TBXAS1: variants seen among roughly 807,000 people sequenced by gnomAD.
TBXAS1 encodes the protein thromboxane A synthase 1.
Under a neutral mutation model 60.7 loss-of-function variants are expected in TBXAS1, and 48 were observed. That is an observed-to-expected ratio of 0.79 (90% confidence interval 0.63 to 1.01). The LOEUF (loss-of-function observed/expected upper bound fraction) is 1.01, where lower values mean the gene tolerates loss of function less well. Ranked by LOEUF, TBXAS1 falls within the 50% of genes least tolerant of loss-of-function variation. The probability of loss-of-function intolerance (pLI) is 0.00; values close to 1 mark genes in which losing one functional copy is unlikely to be tolerated. For missense variants in TBXAS1, 685 were observed against 686.3 expected, an observed-to-expected ratio of 1.00 and a Z score of 0.02; for synonymous variants, 287 against 269.7, an observed-to-expected ratio of 1.06 and a Z score of -0.63.
intron 4 of TBXAS1, among the ~76,000 whole-genome samples, chr7:139,919,516 C>G (rs1190120422): frequency 6.6e-6 from 1 of 152,240 alleles, no homozygotes; most frequent in African/African-American, 2.4e-5. Context: ...TCATCTAGAT[C>G]TTGAGTCCAT....
At chr7:139,978,894 G>A (rs1021480239) in intron 9 of TBXAS1, among the ~76,000 whole-genome samples, 2 of 152,136 alleles carry the variant, frequency 1.3e-5, no homozygotes, top group African/African-American at 2.4e-5. Flanking sequence ...GTTGGAGGCT[G>A]CAGAGAGCTA....
chr7:139,802,248 T>C (rs1797740481), intron 4 of TBXAS1, among the ~76,000 whole-genome samples: 1 of 152,240 alleles, frequency 6.6e-6, no homozygotes, highest in African/African-American at 2.4e-5. Context: ...TTTAAAATAT[T>C]CAATTTTAAC....
intron 8 of TBXAS1, 33 bp from the exon 9 acceptor site, chr7:139,961,886 C>T: frequency 6.2e-7 from 1 of 1,613,838 alleles, no homozygotes; most frequent in Non-Finnish European, 8.5e-7. Flanking sequence ...ACTGTAAGGT[C>T]AAAATGTGCA....
chr7:139,889,440 T>G (rs1476450213), intron 3 of TBXAS1, among the ~76,000 whole-genome samples: 1 of 152,202 alleles, frequency 6.6e-6, no homozygotes, highest in Non-Finnish European at 1.5e-5. Flanking sequence ...ACATGGTGAT[T>G]CCACCATAAT....
At chr7:139,918,449 T>C (rs1430043784) in intron 4 of TBXAS1, among the ~76,000 whole-genome samples, 16 of 152,300 alleles carry the variant, frequency 1.1e-4, no homozygotes, top group African/African-American at 2.4e-5. Context: ...CAGCCAAGCA[T>C]GTCAAGTGCA....
chr7:139,889,933 G>C (rs539623769), intron 3 of TBXAS1, among the ~76,000 whole-genome samples: 7 of 152,154 alleles, frequency 4.6e-5, no homozygotes, highest in Admixed American at 4.6e-4. Flanking sequence ...TAGGAATGAA[G>C]CACTCAGAGG....
In TBXAS1 at chr7:140,010,006, T is replaced by C. The variant is rs1402900161; in HGVS notation, c.1226+2824T>C. ...GCCCCACACCCGCTCCACACCCGCTTCACACCCGCTCCACACCCGCCCCAC... is the reference window on the plus strand; with the variant it reads ...GCCCCACACCCGCTCCACACCCGCTCCACACCCGCTCCACACCCGCCCCAC... On this transcript the variant is annotated intron_variant, in intron 10 of 12. Transcript: ENST00000448866. Among the ~76,000 whole-genome samples, 14 of 46,660 alleles carry C rather than the reference T, an allele frequency of 3.0e-4. No individual in the cohort carries two copies. In the East Asian group the frequency reaches 3.4e-3, roughly 11 times the overall value. 30.6% of individuals were successfully genotyped at this position (46,660 alleles called of 152,430 possible).
chr7:139,892,821 C>G (rs545866745), intron 3 of TBXAS1, among the ~76,000 whole-genome samples: 4 of 152,130 alleles, frequency 2.6e-5, no homozygotes, highest in African/African-American at 7.2e-5. Context: ...CCATACCTCA[C>G]CAGCTCGGGG....
At chr7:139,793,657 C>G (rs1156640952) in intron 4 of TBXAS1, among the ~76,000 whole-genome samples, 1 of 152,026 alleles carries the variant, frequency 6.6e-6, no homozygotes, top group Non-Finnish European at 1.5e-5. Flanking sequence ...ACATGTTGAG[C>G]CAGGCATTTA....
intron 5 of TBXAS1, among the ~76,000 whole-genome samples, chr7:139,950,133 A>G (rs1274287001): frequency 6.7e-6 from 1 of 148,888 alleles, no homozygotes. Context: ...TCCCAGGTTC[A>G]AGCGATTCTC....
chr7:139,816,954 C>A (rs1231395915), intron 4 of TBXAS1, among the ~76,000 whole-genome samples: 1 of 152,120 alleles, frequency 6.6e-6, no homozygotes, highest in Admixed American at 6.5e-5. Context: ...AATTTTCCAG[C>A]AAGTAGAAGT....
intron 1 of TBXAS1, among the ~76,000 whole-genome samples, chr7:139,835,065 C>CT (rs142060008): frequency 5.2e-4 from 69 of 132,058 alleles, no homozygotes; most frequent in Non-Finnish European, 5.9e-4. Flanking sequence ...TACTAAAATT[C>CT]TTTTTTTTTT....
intron 3 of TBXAS1, among the ~76,000 whole-genome samples, chr7:139,784,011 G>GTTTTTTTTTTTTTTTTTT (rs11340240): frequency 7.6e-6 from 1 of 132,066 alleles, no homozygotes; most frequent in Non-Finnish European, 1.6e-5. Context: ...AGTTTTTTTT[G>GTTTTTTTTTTTTTTTTTT]TTTTTTTTTT....
chr7:139,978,397 C>T (rs185424869), intron 9 of TBXAS1, among the ~76,000 whole-genome samples: 5 of 151,660 alleles, frequency 3.3e-5, no homozygotes, highest in African/African-American at 9.7e-5. Context: ...GTAATTCCAG[C>T]TACTCGGGAG....
At chr7:139,877,937 T>G (rs909859143) in intron 3 of TBXAS1, among the ~76,000 whole-genome samples, 1 of 152,188 alleles carries the variant, frequency 6.6e-6, no homozygotes, top group Non-Finnish European at 1.5e-5. Flanking sequence ...AGAATGACAG[T>G]GCCTTCACCA....
chr7:139,921,280 A>G (rs1272765486), intron 4 of TBXAS1, among the ~76,000 whole-genome samples: 1 of 152,148 alleles, frequency 6.6e-6, no homozygotes, highest in Non-Finnish European at 1.5e-5. Flanking sequence ...CTCTGACATC[A>G]ATTTGTATAG....
intron 3 of TBXAS1, among the ~76,000 whole-genome samples, chr7:139,881,287 T>G (rs1382043244): frequency 2.0e-5 from 3 of 152,222 alleles, no homozygotes; most frequent in African/African-American, 7.2e-5. Flanking sequence ...TTTAATTGAT[T>G]TTAACAGTGT....
At chr7:139,965,335 A>C (rs1454176848) in intron 9 of TBXAS1, among the ~76,000 whole-genome samples, 1 of 152,214 alleles carries the variant, frequency 6.6e-6, no homozygotes, top group African/African-American at 2.4e-5. Flanking sequence ...TAGTGTGCAT[A>C]AAAGTATATA....
At chr7:139,839,903 G>A (rs1410317529) in intron 1 of TBXAS1, among the ~76,000 whole-genome samples, 2 of 147,718 alleles carry the variant, frequency 1.4e-5, no homozygotes, top group East Asian at 4.0e-4. Flanking sequence ...AGAATCACTT[G>A]AACCCGGGAG....
Sources: allele counts gnomAD v4.1 joint callset (sites outside exome capture counted in the v4.1 genomes callset), GRCh38; gene constraint gnomAD v4.1.1; transcripts MANE v1.5; gene names NCBI Gene and HGNC (gene_info 2026-07-23, HGNC 2026-07-21).